Variants in CDH2 observed in about 807,000 individuals in gnomAD.
The protein encoded by CDH2 is cadherin-2.
In CDH2, 17 loss-of-function variants were observed where a neutral mutation model predicts 92.0. That is an observed-to-expected ratio of 0.18 (90% CI 0.13 to 0.28). CDH2 has a LOEUF of 0.28. CDH2 is among the 10% of genes least tolerant of loss of function. The pLI, the probability that CDH2 is intolerant of heterozygous loss-of-function variation, is 1.00. For synonymous variants in CDH2, 419 were observed against 415.9 expected, an observed-to-expected ratio of 1.01 and a Z score of -0.09; for missense variants, 862 against 1,133.1, an observed-to-expected ratio of 0.76 and a Z score of 3.44.
At chr18:27,960,338 C>T (rs10502505) in intron 15 of CDH2, among the ~76,000 whole-genome samples, 18,924 of 152,072 alleles carry the variant, frequency 0.12, 1,612 homozygotes, top group East Asian at 0.38. Context: ...GAATTTCACC[C>T]AACGCTAGAA....
At chr18:28,158,255 C>T (rs2016252224) in intron 1 of CDH2, among the ~76,000 whole-genome samples, 1 of 152,186 alleles carries the variant, frequency 6.6e-6, no homozygotes, top group Non-Finnish European at 1.5e-5. Flanking sequence ...CGAAAGGAGG[C>T]ATAACGCCAG....
In CDH2 at chr18:28,007,193, T is replaced by TATATATAC. The variant is rs778626652; in HGVS notation, c.703-1201_703-1200insGTATATAT. On this transcript the variant is annotated intron_variant, in intron 5 of 15. Coordinates refer to ENST00000269141, the MANE Select transcript of CDH2 (RefSeq NM_001792.5). ...ATATATATATATATATATATATATA[T>TATATATAC]ACGAGTATATACGATAGCTGTTCCT... 4.2e-3 allele frequency among the ~76,000 whole-genome samples: 593 copies of TATATATAC among 142,036 alleles called. 3 individuals are homozygous for TATATATAC. Among genetic ancestry groups the TATATATAC allele is most frequent in the Non-Finnish European group, 6.0e-3 (395 of 66,190 alleles). The allele number at this position is 142,036 out of a possible 152,430, so 93.2% of individuals were successfully genotyped here.
intron 15 of CDH2, among the ~76,000 whole-genome samples, chr18:27,963,145 A>C (rs1327762941): frequency 6.6e-6 from 1 of 152,242 alleles, no homozygotes; most frequent in African/African-American, 2.4e-5. Flanking sequence ...CAAATGCAGA[A>C]TCTTAATTGA....
chr18:28,011,299 A>G (rs2144032817), intron 4 of CDH2, among the ~76,000 whole-genome samples: 1 of 144,658 alleles, frequency 6.9e-6, no homozygotes, highest in South Asian at 2.2e-4. Flanking sequence ...GTAAATAACT[A>G]AAAAAAAAAA....
chr18:28,025,402 C>T (rs2013523852), intron 2 of CDH2, among the ~76,000 whole-genome samples: 1 of 151,742 alleles, frequency 6.6e-6, no homozygotes, highest in Non-Finnish European at 1.5e-5. Context: ...CCTGTAGTCC[C>T]AGCTACTCAG....
chr18:28,072,889 C>T (rs1239810418), intron 2 of CDH2, among the ~76,000 whole-genome samples: 1 of 152,192 alleles, frequency 6.6e-6, no homozygotes, highest in Non-Finnish European at 1.5e-5. Context: ...TAGTTGGAGT[C>T]ATGGGTTACA....
chr18:28,025,804 A>G (rs1189219243), intron 2 of CDH2, among the ~76,000 whole-genome samples: 1 of 151,976 alleles, frequency 6.6e-6, no homozygotes, highest in Non-Finnish European at 1.5e-5. Flanking sequence ...AATGTAGTAT[A>G]TATTTAGTAG....
chr18:28,019,376 G>C (rs941506175), intron 2 of CDH2, among the ~76,000 whole-genome samples: 6 of 151,368 alleles, frequency 4.0e-5, no homozygotes, highest in African/African-American at 9.7e-5. Context: ...GAAAGAAAGA[G>C]AAAAGAAAAA....
chr18:28,058,532 A>G (rs1313954976), intron 2 of CDH2, among the ~76,000 whole-genome samples: 1 of 152,214 alleles, frequency 6.6e-6, no homozygotes, highest in Non-Finnish European at 1.5e-5. Context: ...ATGACATTTT[A>G]GCCTGGATGG....
chr18:28,057,985 CCT>C (rs1246206319), intron 2 of CDH2, among the ~76,000 whole-genome samples: 4 of 152,056 alleles, frequency 2.6e-5, no homozygotes, highest in South Asian at 2.1e-4. Flanking sequence ...GTTTGTGACC[CCT>C]GTTTGGTTTT....
At chr18:28,048,805 G>A (rs1177929530) in intron 2 of CDH2, among the ~76,000 whole-genome samples, 1 of 152,138 alleles carries the variant, frequency 6.6e-6, no homozygotes, top group Non-Finnish European at 1.5e-5. Context: ...AGAAACAGCA[G>A]AGCGTGAAAT....
chr18:28,015,599 T>C (rs1456987159), intron 2 of CDH2, among the ~76,000 whole-genome samples: 5 of 152,208 alleles, frequency 3.3e-5, no homozygotes, highest in African/African-American at 1.2e-4. Flanking sequence ...CTTTTTTATA[T>C]TACAAGAGGG....
intron 6 of CDH2, among the ~76,000 whole-genome samples, chr18:27,937,225 A>T (rs1473710402): frequency 6.6e-6 from 1 of 152,210 alleles, no homozygotes; most frequent in Non-Finnish European, 1.5e-5. Context: ...AGAGGTAAAA[A>T]TCCATCTTTA....
chr18:28,117,016 C>T (rs994078976), intron 2 of CDH2, among the ~76,000 whole-genome samples: 1 of 152,056 alleles, frequency 6.6e-6, no homozygotes, highest in Non-Finnish European at 1.5e-5. Flanking sequence ...TTGTACTCTT[C>T]CTCCCTCACA....
chr18:27,933,119 G>A (rs974285907), exon 7 of CDH2, among the ~76,000 whole-genome samples: 1 of 151,954 alleles, frequency 6.6e-6, no homozygotes, highest in African/African-American at 2.4e-5. Context: ...CTATGGGCCA[G>A]GTTTTCTGTA....
intron 2 of CDH2, among the ~76,000 whole-genome samples, chr18:28,133,257 T>C (rs1219964): frequency 0.33 from 50,865 of 151,958 alleles, 8,979 homozygotes; most frequent in East Asian, 0.43. Flanking sequence ...ATTACCACTT[T>C]TGCAGGGCTA....
intron 14 of CDH2, among the ~76,000 whole-genome samples, chr18:27,966,996 T>C (rs1298379833): frequency 1.3e-5 from 2 of 152,198 alleles, no homozygotes; most frequent in Non-Finnish European, 2.9e-5. Context: ...TAATTTATGA[T>C]GAGACGGGAG....
intron 15 of CDH2, 147 bp downstream of exon 15, chr18:27,963,210 T>C (rs2011453476): frequency 3.3e-6 from 2 of 602,910 alleles, no homozygotes; most frequent in East Asian, 2.8e-5. Context: ...TGAAGCCACA[T>C]TTGCTTTCAC....
At chr18:28,009,989 A>G in intron 4 of CDH2, 117 bp from the exon 5 acceptor site, 1 of 690,412 alleles carries the variant, frequency 1.4e-6, no homozygotes, top group Non-Finnish European at 2.2e-6. Flanking sequence ...ATCTCTCCCC[A>G]GAAAATCACT....
Sources: allele counts gnomAD v4.1 joint callset (sites outside exome capture counted in the v4.1 genomes callset), GRCh38; gene constraint gnomAD v4.1.1; transcripts MANE v1.5; gene names NCBI Gene and HGNC (gene_info 2026-07-23, HGNC 2026-07-21).